VILL: variants seen among roughly 807,000 people sequenced by gnomAD.
VILL encodes villin-like protein.
In VILL, 102 loss-of-function variants were observed where a neutral mutation model predicts 106.3. The observed-to-expected ratio is 0.96, with a 90% CI of 0.82 to 1.13. VILL has a LOEUF of 1.13. Ranked by LOEUF, VILL falls within the 50% of genes most tolerant of loss-of-function variation. The pLI is 0.00. For missense variants in VILL, 1,076 were observed against 1,116.6 expected (o/e 0.96, Z 0.52); for synonymous variants, 431 against 440.3 (o/e 0.98, Z 0.27).
chr3:38,004,751 A>G (rs2125538443), intron 16 of VILL, among the ~76,000 whole-genome samples: 1 of 152,310 alleles, frequency 6.6e-6, no homozygotes, highest in Non-Finnish European at 1.5e-5. Context: ...TGTGATTGGA[A>G]TGCCCAATCG....
Position 37,997,021 on chromosome 3 carries a change from C to G in VILL, c.451-56C>G, listed in dbSNP as rs1344172453. 4 of 1,506,904 alleles carry G rather than the reference C, an allele frequency of 2.7e-6. No homozygotes were observed. The African/African-American group carries it at 5.5e-5, about 21-fold the overall frequency. The allele number at this position is 1,506,904 out of a possible 1,614,324, so 93.3% of individuals were successfully genotyped here. A position where few individuals can be genotyped will look rare whatever the true frequency, so the allele number is the denominator to read the frequency against. On this transcript the variant is annotated intron_variant, in intron 5 of 19. Coordinates refer to ENST00000383759, the MANE Select transcript of VILL (RefSeq NM_015873.4). The surrounding 1 kb of genome is among the most constrained non-coding windows in gnomAD (Gnocchi z 4.7). The stretch of plus-strand genomic sequence containing the variant: ...ACACGTGACACATCCCAGCTATGCT[C>G]CCCTCTAGCGGATGCTGGTGGTATG...
rs1400695937 is a variant in VILL at position 38,004,203 on chromosome 3, G to A, written c.1806-52G>A. 3 of 1,571,556 alleles carry A rather than the reference G, an allele frequency of 1.9e-6. No homozygotes were observed. In the Admixed American group the frequency reaches 5.2e-5, roughly 27 times the overall value. On this transcript the variant is annotated intron_variant, in intron 15 of 19. Coordinates refer to ENST00000383759, the MANE Select transcript of VILL (RefSeq NM_015873.4). Reference sequence around the variant, plus strand: ...CCTGGGGTGGGGCACTTGTGCCATGGGCTGGGGTGCCCCTCTGGGTGGCTC... The same window carrying A: ...CCTGGGGTGGGGCACTTGTGCCATGAGCTGGGGTGCCCCTCTGGGTGGCTC...
rs764234530 is a variant in VILL, at chr3:38,006,647, A to G, written c.2404A>G (p.Met802Val). 3.1e-6 allele frequency: 5 copies of G among 1,613,648 alleles called. No homozygotes were observed. Among genetic ancestry groups the G allele is most frequent in the Non-Finnish European group, 4.2e-6 (5 of 1,179,956 alleles). Residue 802 changes from methionine (M) to valine (V), a missense_variant, in exon 19 of 20, where the codon ATG becomes GTG. By Grantham distance (21) the Met-to-Val change is conservative (BLOSUM62 1). Transcript: ENST00000383759. ...INGGLRREQL[M>V]HQAVEDLPEG... ...CGGGGGCCTGCGCCGGGAACAACTG[A>G]TGCACCAGGCTGTTGAGGACCTGCC...
chr3:37,995,482 T>C (rs921967527), intron 4 of VILL, among the ~76,000 whole-genome samples: 9 of 152,346 alleles, frequency 5.9e-5, no homozygotes, highest in Non-Finnish European at 1.0e-4. Flanking sequence ...TGCCCCCAAA[T>C]GTATGTACAT....
chr3:38,005,051 A>G (rs1699889672), intron 16 of VILL, among the ~76,000 whole-genome samples: 3 of 151,912 alleles, frequency 2.0e-5, no homozygotes, highest in Non-Finnish European at 4.4e-5. Flanking sequence ...AGTGGATGAC[A>G]GTGTGTGGCT....
intron 5 of VILL, 22 bp downstream of exon 5, chr3:37,995,869 C>T: frequency 6.2e-7 from 1 of 1,605,950 alleles, no homozygotes; most frequent in South Asian, 1.1e-5. Flanking sequence ...AGGGGAGCCT[C>T]TTGACCTCTG....
chr3:38,003,355 A>G, intron 15 of VILL, 42 bp downstream of exon 15: 1 of 1,550,984 alleles, frequency 6.4e-7, no homozygotes, highest in Non-Finnish European at 8.7e-7. Flanking sequence ...CAGAGGAGGA[A>G]TTGAGGCCCA....
chr3:37,999,347 A>G lies in VILL; in HGVS notation c.1090A>G (p.Ile364Val). The change falls in exon 11 of 20, where the codon ATT becomes GTT. Residue 364 changes from isoleucine to valine, a missense_variant. By Grantham distance (29) the Ile-to-Val change is conservative (BLOSUM62 3). Coordinates refer to ENST00000383759, the MANE Select transcript of VILL (RefSeq NM_015873.4). ...TACTGTCCCCCCTTCAGATAAATCG[A>G]TTCATGTAAAGCTGGACGTGGGCAA... ...NQKLGGRDKS[I>V]HVKLDVGKLH... 1 of 1,515,526 alleles carries G rather than the reference A, an allele frequency of 6.6e-7. No individual in the cohort carries two copies. The highest frequency in any genetic ancestry group is 2.3e-5 in the Admixed American group (1 of 44,004). The allele number at this position is 1,515,526 out of a possible 1,614,324, so 93.9% of individuals were successfully genotyped here.
In VILL at chr3:38,006,545, A is replaced by C. The variant is rs772633893; in HGVS notation, c.2302A>C (p.Asn768His). 5 of 1,614,154 alleles carry C rather than the reference A, an allele frequency of 3.1e-6. No homozygotes were observed. The highest frequency in any genetic ancestry group is 1.7e-4 in the Middle Eastern group (1 of 6,058). Residue 768 changes from asparagine to histidine, a missense_variant, in exon 19 of 20, where the codon AAT (asparagine) becomes CAT (histidine). By Grantham distance (68) the Asn-to-His change is moderately conservative (BLOSUM62 1). Coordinates refer to ENST00000383759, the MANE Select transcript of VILL (RefSeq NM_015873.4). ...ALKGSQDSSE[N>H]DLVRSPKSAG... ...CAAGGGCTCCCAGGACAGCTCAGAG[A>C]ATGATCTGGTGCGAAGCCCCAAGTC...
Position 37,998,459 on chromosome 3 carries a change from C to CTGATT in VILL, c.942+95_942+96insTGATT. ...CCCCAGGGTCTAAGGGAGGAATCAG[C>CTGATT]CCTCCCCTAGAGTTTGAGTTGGGAA... is the stretch of plus-strand genomic sequence containing the variant. On this transcript the variant is annotated intron_variant, in intron 9 of 19. Coordinates refer to ENST00000383759, the MANE Select transcript of VILL (RefSeq NM_015873.4). The surrounding 1 kb of genome is among the most constrained non-coding windows in gnomAD (Gnocchi z 4.1). The CTGATT allele has an allele frequency of 1.8e-6, 2 of 1,131,916 alleles. No homozygotes were observed. Among genetic ancestry groups the CTGATT allele is most frequent in the Non-Finnish European group, 2.6e-6 (2 of 770,428 alleles). The allele number at this position is 1,131,916 out of a possible 1,614,324, so 70.1% of individuals were successfully genotyped here. A position where few individuals can be genotyped will look rare whatever the true frequency, so the allele number is the denominator to read the frequency against.
Position 37,999,034 on chromosome 3 carries a change from G to A in VILL, c.1065G>A (p.Gln355=). The A allele has an allele frequency of 6.4e-7, 1 of 1,564,286 alleles. No individual in the cohort carries two copies. The highest frequency in any genetic ancestry group is 8.7e-7 in the Non-Finnish European group (1 of 1,151,128). ...GGTCTGAGAAGCGGCGCAGGAACCA[G>A]AAGCTCGGCGGGAGGGGTGAGCGGG... ...RTWSEKRRRN[Q]KLGGRDKSIH... is the part of the protein sequence containing the mutation. Residue 355 remains glutamine, a synonymous_variant, in exon 10 of 20, where the codon CAG becomes CAA. Transcript: ENST00000383759.
intron 4 of VILL, 95 bp from the exon 5 acceptor site, chr3:37,995,644 G>C (rs147516860): frequency 1.1e-5 from 11 of 985,114 alleles, no homozygotes; most frequent in African/African-American, 6.3e-5. Context: ...AGGCACATAC[G>C]TGCACGTGCT....
Position 37,997,959 on chromosome 3 carries a change from A to G in VILL, c.765-131A>G. 1 of 924,542 alleles carries G rather than the reference A, an allele frequency of 1.1e-6. No homozygotes were observed. The highest frequency in any genetic ancestry group is 2.6e-5 in the East Asian group (1 of 37,786). The allele number at this position is 924,542 out of a possible 1,614,324, so 57.3% of individuals were successfully genotyped here. On this transcript the variant is annotated intron_variant, in intron 7 of 19. Coordinates refer to ENST00000383759, the MANE Select transcript of VILL (RefSeq NM_015873.4). This position sits in a 1 kb window ranked among gnomAD's most constrained non-coding sequence, Gnocchi z 4.7. Reference sequence around the variant, plus strand: ...CAGCAAGGCTGCAGTAAAAGTGAAGACTACAACTCGGGGCCCCAGCCCCCA... The same window carrying G: ...CAGCAAGGCTGCAGTAAAAGTGAAGGCTACAACTCGGGGCCCCAGCCCCCA...
chr3:37,989,178 G>A (rs1322555906), upstream of VILL, among the ~76,000 whole-genome samples: 1 of 152,170 alleles, frequency 6.6e-6, no homozygotes, highest in Admixed American at 6.5e-5. Flanking sequence ...CAGGTTTGGG[G>A]CCTAAGCACC....
At position 38,002,593 on chromosome 3, in the gene VILL, C is replaced by G. The variant is rs545508590; in HGVS notation, c.1659+18C>G. The G allele has an allele frequency of 1.6e-5, 26 of 1,605,874 alleles. No individual in the cohort carries two copies. In the Middle Eastern group the frequency reaches 8.3e-4, roughly 51 times the overall value. On this transcript the variant is annotated intron_variant, in intron 14 of 19. Coordinates refer to ENST00000383759, the MANE Select transcript of VILL (RefSeq NM_015873.4). Reference sequence around the variant, plus strand: ...TTGGGAAGGTACCCACAGCACTGACCACTTGATTCATGCCCAGATGTAGTG... The same window carrying G: ...TTGGGAAGGTACCCACAGCACTGACGACTTGATTCATGCCCAGATGTAGTG...
Position 37,997,609 on chromosome 3 carries a change from A to G in VILL, c.688A>G (p.Arg230Gly). The G allele has an allele frequency of 1.9e-6, 3 of 1,571,816 alleles. No individual in the cohort carries two copies. The highest frequency in any genetic ancestry group is 2.6e-6 in the Non-Finnish European group (3 of 1,152,166). Residue 230 changes from arginine to glycine, a missense_variant, in exon 7 of 20, where the codon AGG becomes GGG. Coordinates refer to ENST00000383759, the MANE Select transcript of VILL (RefSeq NM_015873.4). The surrounding 1 kb of genome is among the most constrained non-coding windows in gnomAD (Gnocchi z 4.7). ...MQIMEAVLGR[R>G]VGSLRAATPS... ...GATCATGGAGGCTGTGCTGGGCCGC[A>G]GGGTGGGCAGCCTGCGTGCCGCCAC... is the stretch of plus-strand genomic sequence containing the variant.
chr3:38,005,926 TC>T lies in VILL; in HGVS notation c.2088del (p.Thr697ProfsTer37). 1 of 1,614,012 alleles carries T rather than the reference TC, an allele frequency of 6.2e-7. No homozygotes were observed. Among genetic ancestry groups the T allele is most frequent in the Non-Finnish European group, 8.5e-7 (1 of 1,179,910 alleles). Reference protein sequence around the residue: ...IVLVKQGHEPPTFIGWFFTWD... With the variant: ...IVLVKQGHEPXTFIGWFFTWD... ...TGCTGGTCAAGCAGGGCCATGAGCC[TC>T]CCACCTTCATTGGATGGTTCTTCAC... On this transcript the variant is annotated frameshift_variant, in exon 17 of 20. Coordinates refer to ENST00000383759, the MANE Select transcript of VILL (RefSeq NM_015873.4). LOFTEE classifies it high-confidence loss of function.
Position 37,991,697 on chromosome 3 carries a change from G to A in VILL, c.-87+868G>A, listed in dbSNP as rs927285586. On this transcript the variant is annotated intron_variant, in intron 1 of 19. Coordinates refer to ENST00000383759, the MANE Select transcript of VILL (RefSeq NM_015873.4). ...AGAGAAGGAGGGCTTCTAGGAGAAG[G>A]GAGAGGACCAGGGATAGGAGGGTTC... Among the ~76,000 whole-genome samples, 3 of 152,060 alleles carry A rather than the reference G, an allele frequency of 2.0e-5. No homozygotes were observed. In the South Asian group the frequency reaches 6.2e-4, roughly 32 times the overall value.
chr3:37,991,109 C>A (rs1173808879), intron 1 of VILL: 1 of 152,278 alleles, frequency 6.6e-6, no homozygotes, highest in Non-Finnish European at 1.5e-5. Flanking sequence ...AACCCTGGCC[C>A]CATCCTCCTT....
Sources: gnomAD v4.1 joint callset for allele counts (sites outside exome capture counted in the v4.1 genomes callset) on GRCh38, gnomAD v4.1.1 for gene constraint, Gnocchi (gnomAD v3.1) non-coding constraint, MANE v1.5 for transcripts, NCBI Gene and HGNC (gene_info 2026-07-23, HGNC 2026-07-21) for gene names.